Variants in NFIB observed in about 807,000 individuals in gnomAD.
The protein encoded by NFIB is nuclear factor I B, also known as nuclear factor 1 B-type.
NFIB carries 11 observed loss-of-function variants against 61.5 expected under a neutral mutation model. That is an observed-to-expected ratio of 0.18 (90% CI 0.11 to 0.30). The LOEUF (loss-of-function observed/expected upper bound fraction) is 0.30, where lower values mean the gene tolerates loss of function less well. NFIB is among the 10% of genes least tolerant of loss of function. The probability of loss-of-function intolerance (pLI) is 1.00; values close to 1 mark genes in which losing one functional copy is unlikely to be tolerated. For missense variants in NFIB, 471 were observed against 608.9 expected (o/e 0.77, Z 2.38); for synonymous variants, 260 against 216.5 (o/e 1.20, Z -1.76).
intron 2 of NFIB, among the ~76,000 whole-genome samples, chr9:14,216,035 G>T (rs111785868): frequency 3.0e-4 from 45 of 151,988 alleles, no homozygotes; most frequent in African/African-American, 1.1e-3. Flanking sequence ...CGATAAAGCT[G>T]GTATATTTTC....
the NFIB span, among the ~76,000 whole-genome samples, chr9:14,500,439 T>C: frequency 6.6e-6 from 1 of 152,146 alleles, no homozygotes; most frequent in Non-Finnish European, 1.5e-5. Flanking sequence ...CCAACGTTAT[T>C]ACTCTTCACA....
At chr9:14,322,571 C>T (rs1371977154) in intron 1 of NFIB, among the ~76,000 whole-genome samples, 1 of 151,922 alleles carries the variant, frequency 6.6e-6, no homozygotes, top group East Asian at 1.9e-4. Context: ...TTCTCCGGCT[C>T]GCGGCCCGCC....
At chr9:14,252,841 C>T (rs1271602798) in intron 2 of NFIB, among the ~76,000 whole-genome samples, 1 of 152,064 alleles carries the variant, frequency 6.6e-6, no homozygotes, top group African/African-American at 2.4e-5. Context: ...ATATTGCACC[C>T]ATGACGGTCA....
intron 1 of NFIB, among the ~76,000 whole-genome samples, chr9:14,328,765 G>A (rs79431643): frequency 0.021 from 3,162 of 152,160 alleles, 107 homozygotes; most frequent in African/African-American, 0.071. Flanking sequence ...GTGACAAATG[G>A]TCACAGAATT....
chr9:14,147,102 T>C lies in NFIB; in HGVS notation c.807-295A>G, dbSNP rs1028081336. On this transcript the variant is annotated intron_variant, in intron 5 of 10. Transcript: ENST00000380953. ...CCACTAATAAAAAGTGAACTCTTAA[T>C]GTTGTTTGCCTTCTAACATTAAAAT... 8.5e-5 allele frequency among the ~76,000 whole-genome samples: 13 copies of C among 152,334 alleles called. No homozygotes were observed. In the South Asian group the frequency reaches 2.5e-3, roughly 29 times the overall value.
the NFIB span, among the ~76,000 whole-genome samples, chr9:14,493,816 C>T: frequency 6.6e-6 from 1 of 152,184 alleles, no homozygotes; most frequent in Non-Finnish European, 1.5e-5. Flanking sequence ...TTGTTCTTCT[C>T]CTTGTAGGTA....
At chr9:14,531,211 G>C in the NFIB span, among the ~76,000 whole-genome samples, 1 of 152,158 alleles carries the variant, frequency 6.6e-6, no homozygotes, top group African/African-American at 2.4e-5. Context: ...TTGAGTCACA[G>C]GATTCACCAA....
At position 14,160,536 on chromosome 9, in the gene NFIB, C is replaced by A. The variant is rs571395852; in HGVS notation, c.617-4643G>T. Reference sequence around the variant, plus strand: ...TAGATGGTGGATTTGACTTATTCTGCATAGTTCCAGGAGCTGTTTTTTGGC... The same window carrying A: ...TAGATGGTGGATTTGACTTATTCTGAATAGTTCCAGGAGCTGTTTTTTGGC... On this transcript the variant is annotated intron_variant, in intron 3 of 10. Coordinates refer to ENST00000380953, the MANE Select transcript of NFIB (RefSeq NM_001190737.2). Among the ~76,000 whole-genome samples, 4 of 152,168 alleles carry A rather than the reference C, an allele frequency of 2.6e-5. No homozygotes were observed. The East Asian group carries it at 5.8e-4, about 22-fold the overall frequency.
the NFIB span, among the ~76,000 whole-genome samples, chr9:14,440,589 C>G: frequency 1.3e-5 from 2 of 152,148 alleles, no homozygotes; most frequent in Admixed American, 6.5e-5. Flanking sequence ...CATCACTGAT[C>G]AGAAAGAGAC....
chr9:14,498,678 T>C, the NFIB span, among the ~76,000 whole-genome samples: 2 of 152,088 alleles, frequency 1.3e-5, no homozygotes, highest in African/African-American at 4.8e-5. Context: ...ATGAGCTTCC[T>C]GGTTAGGGGA....
At chr9:14,507,939 A>C in the NFIB span, among the ~76,000 whole-genome samples, 16 of 148,216 alleles carry the variant, frequency 1.1e-4, 2 homozygotes, top group East Asian at 3.2e-3. Flanking sequence ...AAGAGGCATA[A>C]ACACACACAG....
chr9:14,415,519 C>T, the NFIB span, among the ~76,000 whole-genome samples: 1 of 152,188 alleles, frequency 6.6e-6, no homozygotes, highest in South Asian at 2.1e-4. Flanking sequence ...CAGGAGGCCA[C>T]CTCAGAGGCT....
At chr9:14,417,574 A>C in the NFIB span, among the ~76,000 whole-genome samples, 17 of 152,304 alleles carry the variant, frequency 1.1e-4, no homozygotes, top group East Asian at 3.1e-3. Flanking sequence ...AGCACATGGT[A>C]ACACCTCAAA....
At chr9:14,244,639 A>C (rs1378601504) in intron 2 of NFIB, among the ~76,000 whole-genome samples, 1 of 152,186 alleles carries the variant, frequency 6.6e-6, no homozygotes, top group African/African-American at 2.4e-5. Context: ...TCCAATACTT[A>C]TTAGCCGTTG....
the NFIB span, among the ~76,000 whole-genome samples, chr9:14,506,810 G>C: frequency 6.6e-6 from 1 of 152,126 alleles, no homozygotes; most frequent in Non-Finnish European, 1.5e-5. Context: ...CAGTTTTCTA[G>C]GAAGGTAGGT....
At chr9:14,157,983 C>A (rs2043641034) in intron 3 of NFIB, among the ~76,000 whole-genome samples, 1 of 151,518 alleles carries the variant, frequency 6.6e-6, no homozygotes, top group Admixed American at 6.6e-5. Flanking sequence ...TGGTGGCGGG[C>A]ACCTGTAGTC....
At chr9:14,472,489 TG>T in the NFIB span, among the ~76,000 whole-genome samples, 5 of 152,198 alleles carry the variant, frequency 3.3e-5, no homozygotes, top group Non-Finnish European at 4.4e-5. Context: ...CAAAATAAAA[TG>T]TGTAGCTTGT....
At position 14,313,806 on chromosome 9, in the gene NFIB, G is replaced by T; in HGVS notation, c.-295C>A. ...CGAGGCCGCCGCCGCCGCCGGTGTT[G>T]GCTGCTTTTCGCCTGGGTTTGGGGA... On this transcript the variant is annotated 5_prime_UTR_variant, in exon 1 of 11. Transcript: ENST00000380953. This position sits in a 1 kb window ranked among gnomAD's most constrained non-coding sequence, Gnocchi z 4.5. The T allele has an allele frequency of 2.3e-6, 3 of 1,328,454 alleles. No individual in the cohort carries two copies. The highest frequency in any genetic ancestry group is 2.9e-6 in the Non-Finnish European group (3 of 1,039,268). 82.3% of individuals were successfully genotyped at this position (1,328,454 alleles called of 1,614,324 possible).
intron 2 of NFIB, among the ~76,000 whole-genome samples, chr9:14,279,063 CAG>C: frequency 6.6e-6 from 1 of 152,116 alleles, no homozygotes; most frequent in South Asian, 2.1e-4. Flanking sequence ...CATACACACA[CAG>C]AGAGAGAGAC....
Sources: allele counts gnomAD v4.1 joint callset (sites outside exome capture counted in the v4.1 genomes callset), GRCh38; gene constraint gnomAD v4.1.1; non-coding constraint Gnocchi (gnomAD v3.1); transcripts MANE v1.5; gene names NCBI Gene and HGNC (gene_info 2026-07-23, HGNC 2026-07-21).